The following NTAN1 variants were observed in gnomAD, a reference collection of about 807,000 sequenced individuals.
The protein encoded by NTAN1 is protein N-terminal asparagine amidohydrolase.
NTAN1 carries 32 observed loss-of-function variants against 41.9 expected under a neutral mutation model. That is an observed-to-expected ratio of 0.76 (90% CI 0.58 to 1.03). The LOEUF (loss-of-function observed/expected upper bound fraction) is 1.03, where lower values mean the gene tolerates loss of function less well. Among genes scored for constraint, NTAN1 ranks in the 50% least tolerant of loss-of-function variants. The pLI is 0.00. For synonymous variants in NTAN1, 140 were observed against 139.5 expected (o/e 1.00, Z -0.03); for missense variants, 377 against 377.5 (o/e 1.00, Z 0.01).
At position 15,037,958 on chromosome 16, in the gene NTAN1, G is replaced by C. The variant is rs1135977; in HGVS notation, c.*73C>G. On this transcript the variant is annotated 3_prime_UTR_variant, in exon 10 of 10. Transcript: ENST00000287706. Reference sequence around the variant, plus strand: ...TAAGACCCAACAGATGTAGGATCCAGATCTGGATTCGTGCCAGCCCCACCA... The same window carrying C: ...TAAGACCCAACAGATGTAGGATCCACATCTGGATTCGTGCCAGCCCCACCA... The C allele has an allele frequency of 5.4e-6, 6 of 1,111,426 alleles. No homozygotes were observed. Among genetic ancestry groups the C allele is most frequent in the East Asian group, 4.7e-5 (2 of 42,438 alleles). 68.8% of individuals were successfully genotyped at this position (1,111,426 alleles called of 1,614,324 possible). A position where few individuals can be genotyped will look rare whatever the true frequency, so the allele number is the denominator to read the frequency against.
rs774385722 is a variant in NTAN1 at position 15,047,999 on chromosome 16, T to A, written c.182A>T (p.Asp61Val). Residue 61 changes from aspartate to valine, a missense_variant and splice_region_variant, in exon 2 of 10, where the codon GAT becomes GTT. Asp to Val is a radical substitution (Grantham distance 152, BLOSUM62 -3). Transcript: ENST00000287706. ...QRELAVTSPK[D>V]GSISILGSDD... is the part of the protein sequence containing the mutation. ...CAATTCACTGCTTCCTAACCTACCA[T>A]CCTTTGGGGAGGTCACTGCAAGCTC... is the stretch of plus-strand genomic sequence containing the variant. 8 of 1,609,970 alleles carry A rather than the reference T, an allele frequency of 5.0e-6. No individual in the cohort carries two copies. In the South Asian group the frequency reaches 8.8e-5, roughly 18 times the overall value.
chr16:15,039,320 T>C lies in NTAN1; in HGVS notation c.640-633A>G, dbSNP rs149030807. Among the ~76,000 whole-genome samples, 477 of 152,320 alleles carry C rather than the reference T, an allele frequency of 3.1e-3. 1 individual carries two copies. Among genetic ancestry groups the C allele is most frequent in the African/African-American group, 0.011 (463 of 41,578 alleles). On this transcript the variant is annotated intron_variant, in intron 8 of 9. Coordinates refer to ENST00000287706, the MANE Select transcript of NTAN1 (RefSeq NM_173474.4). Reference sequence around the variant, plus strand: ...AGGGTTGGCTCCGAATCCAAACACATTTCCCAGTGAAAACATCAGCATTTC... The same window carrying C: ...AGGGTTGGCTCCGAATCCAAACACACTTCCCAGTGAAAACATCAGCATTTC...
Position 15,041,727 on chromosome 16 carries a change from A to C in NTAN1, c.434-51T>G, listed in dbSNP as rs371794878. The stretch of plus-strand genomic sequence containing the variant: ...AGTCAGAAAAGTTCCTCTAGTTACC[A>C]GAACAAACTGCTGAGCAAGCCAACG... On this transcript the variant is annotated intron_variant, in intron 5 of 9. Transcript: ENST00000287706. 8.6e-5 allele frequency: 116 copies of C among 1,348,074 alleles called. No homozygotes were observed. In the African/African-American group the frequency reaches 1.3e-3, roughly 15 times the overall value. The allele number at this position is 1,348,074 out of a possible 1,614,324, so 83.5% of individuals were successfully genotyped here. A position where few individuals can be genotyped will look rare whatever the true frequency, so the allele number is the denominator to read the frequency against.
At chr16:15,039,774 G>A (rs1335086244) in intron 8 of NTAN1, among the ~76,000 whole-genome samples, 195 bp downstream of exon 8, 5 of 152,204 alleles carry the variant, frequency 3.3e-5, no homozygotes, top group Non-Finnish European at 5.9e-5. Context: ...AACTGGAGCT[G>A]ATGACCTAAA....
chr16:15,041,627 C>T lies in NTAN1; in HGVS notation c.483G>A (p.Val161=), dbSNP rs1232774063. The change falls in exon 6 of 10, where the codon GTG becomes GTA. Residue 161 remains valine, a synonymous_variant. Coordinates refer to ENST00000287706, the MANE Select transcript of NTAN1 (RefSeq NM_173474.4). The part of the protein sequence containing the change: ...EDDIHLVTLC[V]TELNDREENE... ...GGGGCAAATGGCAGGACTTACCTGT[C>T]ACACATAATGTCACTAAGTGAATGT... 1.9e-6 allele frequency: 3 copies of T among 1,609,300 alleles called. No homozygotes were observed. The Admixed American group carries it at 5.0e-5, about 27-fold the overall frequency.
rs779534447 is a variant in NTAN1 at position 15,039,989 on chromosome 16, G to A, written c.619C>T (p.Arg207Ter). The A allele has an allele frequency of 9.3e-6, 15 of 1,604,648 alleles. No homozygotes were observed. Among genetic ancestry groups the A allele is most frequent in the Admixed American group, 1.7e-5 (1 of 59,622 alleles). Residue 207 changes from arginine to a stop codon, truncating the protein, a stop_gained, in exon 8 of 10, where the codon CGA becomes TGA. Coordinates refer to ENST00000287706, the MANE Select transcript of NTAN1 (RefSeq NM_173474.4). LOFTEE classifies it high-confidence loss of function. Reference sequence around the variant, plus strand: ...CTCACTGGTCCTCCTGCTAAAGTTCGCGCAGCACGAAGCTGCTCCTCCGGA... The same window carrying A: ...CTCACTGGTCCTCCTGCTAAAGTTCACGCAGCACGAAGCTGCTCCTCCGGA... ...RGPEEQLRAA[R>*]TLAGGPMISI...
chr16:15,049,637 A>G (rs1387031068), intron 1 of NTAN1, among the ~76,000 whole-genome samples: 1 of 149,710 alleles, frequency 6.7e-6, no homozygotes, highest in African/African-American at 2.5e-5. Flanking sequence ...TGTTGGCCAC[A>G]CTGGTATCAA....
chr16:15,049,430 TC>T (rs2044211230), intron 1 of NTAN1, among the ~76,000 whole-genome samples: 2 of 139,412 alleles, frequency 1.4e-5, no homozygotes, highest in African/African-American at 5.1e-5. Context: ...ATTTCTTTTA[TC>T]TTATTTTTTT....
At chr16:15,039,787 T>C (rs2043726060) in intron 8 of NTAN1, among the ~76,000 whole-genome samples, 182 bp downstream of exon 8, 1 of 152,172 alleles carries the variant, frequency 6.6e-6, no homozygotes. Flanking sequence ...GACCTAAAGA[T>C]GTTCATTACT....
Position 15,041,103 on chromosome 16 carries a change from T to C in NTAN1, c.506A>G (p.Glu169Gly). ...LCVTELNDRE[E>G]NENHFPVIYG... ...TATTACTGGAAAGTGGTTTTCGTTT[T>C]CTTCCCGGTCATTTAATTCTACAAA... Residue 169 changes from glutamate to glycine, a missense_variant, in exon 7 of 10, where the codon GAA becomes GGA. Physicochemically the swap from Glu to Gly is moderately conservative, Grantham distance 98 (BLOSUM62 -2). Coordinates refer to ENST00000287706, the MANE Select transcript of NTAN1 (RefSeq NM_173474.4). 6.3e-7 allele frequency: 1 copy of C among 1,582,762 alleles called. No individual in the cohort carries two copies. The highest frequency in any genetic ancestry group is 8.7e-7 in the Non-Finnish European group (1 of 1,151,324).
chr16:15,038,513 C>A, intron 9 of NTAN1, 61 bp downstream of exon 9: 1 of 977,428 alleles, frequency 1.0e-6, no homozygotes, highest in Non-Finnish European at 1.6e-6. Flanking sequence ...CCCTTTTTTT[C>A]TTACAGATGG....
chr16:15,055,179 C>T (rs1027254535), intron 1 of NTAN1, among the ~76,000 whole-genome samples: 2 of 152,150 alleles, frequency 1.3e-5, no homozygotes, highest in Admixed American at 1.3e-4. Context: ...CCCGCCGCCA[C>T]GCCCCGCTCT....
intron 8 of NTAN1, among the ~76,000 whole-genome samples, chr16:15,038,945 A>AACTT (rs1276445860): frequency 3.9e-5 from 6 of 152,160 alleles, no homozygotes; most frequent in Non-Finnish European, 8.8e-5. Flanking sequence ...TTGGGGTGAA[A>AACTT]ACTTGAGGCT....
chr16:15,042,871 T>A (rs1365808537), intron 5 of NTAN1, among the ~76,000 whole-genome samples: 1 of 151,622 alleles, frequency 6.6e-6, no homozygotes, highest in Admixed American at 6.6e-5. Context: ...TAGCTGGGAT[T>A]ACAGGCGTGC....
rs762617452 is a variant in NTAN1 at position 15,044,335 on chromosome 16, A to G, written c.432T>C (p.Leu144=). The G allele has an allele frequency of 1.1e-5, 18 of 1,604,084 alleles. No homozygotes were observed. The South Asian group carries it at 1.8e-4, about 16-fold the overall frequency. The change falls in exon 5 of 10, where the codon CTT becomes CTC. Residue 144 remains leucine, a splice_region_variant and synonymous_variant. Transcript: ENST00000287706. ...GAAAGAAAAAAAAAATGAACTTACT[A>G]AGAAGTTGATGAGTGAGTTTTTGTG... is the stretch of plus-strand genomic sequence containing the variant. ...QLSQKLTHQL[L]SEFDRQEDDI...
Position 15,048,071 on chromosome 16 carries a change from G to T in NTAN1, c.110C>A (p.Ser37Tyr). 6.2e-7 allele frequency: 1 copy of T among 1,611,810 alleles called. No individual in the cohort carries two copies. Among genetic ancestry groups the T allele is most frequent in the Non-Finnish European group, 8.5e-7 (1 of 1,178,020 alleles). The change falls in exon 2 of 10, where the codon TCT (serine) becomes TAT (tyrosine). Residue 37 changes from serine (S) to tyrosine (Y), a missense_variant. Ser to Tyr is a moderately radical substitution (Grantham distance 144, BLOSUM62 -2). Coordinates refer to ENST00000287706, the MANE Select transcript of NTAN1 (RefSeq NM_173474.4). ...GCCCTGGGGTCCCACTTGTTGAACA[G>T]ACTGACCTCTGAGAAGTCTGGCTCT... The part of the protein sequence containing the change: ...EERARLLRGQ[S>Y]VQQVGPQGLL...
In NTAN1 at chr16:15,041,641, C is replaced by T. The variant is rs1215470885; in HGVS notation, c.469G>A (p.Val157Met). 7 of 1,611,734 alleles carry T rather than the reference C, an allele frequency of 4.3e-6. No individual in the cohort carries two copies. Among genetic ancestry groups the T allele is most frequent in the African/African-American group, 1.3e-5 (1 of 74,900 alleles). ...FDRQEDDIHLVTLCVTELNDR... is the reference protein window; with the variant it reads ...FDRQEDDIHLMTLCVTELNDR... ...GACTTACCTGTCACACATAATGTCA[C>T]TAAGTGAATGTCATCTTCTTGCCTG... Residue 157 changes from valine to methionine, a missense_variant, in exon 6 of 10, where the codon GTG becomes ATG. Val to Met is a conservative substitution (Grantham distance 21). Coordinates refer to ENST00000287706, the MANE Select transcript of NTAN1 (RefSeq NM_173474.4).
rs1391521775 is a variant in NTAN1, at chr16:15,048,010, G to A, written c.171C>T (p.Thr57=). 1.9e-6 allele frequency: 3 copies of A among 1,611,614 alleles called. No homozygotes were observed. Among genetic ancestry groups the A allele is most frequent in the Non-Finnish European group, 8.5e-7 (1 of 1,177,750 alleles). The part of the protein sequence containing the change: ...LYVQQRELAV[T]SPKDGSISIL... ...TTCCTAACCTACCATCCTTTGGGGA[G>A]GTCACTGCAAGCTCTCTTTGCTGAA... Residue 57 remains threonine, a synonymous_variant, in exon 2 of 10, where the codon ACC becomes ACT. Transcript: ENST00000287706.
chr16:15,039,631 CCT>C (rs1394170493), intron 8 of NTAN1, among the ~76,000 whole-genome samples: 10 of 152,148 alleles, frequency 6.6e-5, no homozygotes, highest in African/African-American at 2.4e-4. Context: ...AGGGGAGAAA[CCT>C]CTCTCCTGCG....
Sources: allele counts gnomAD v4.1 joint callset (sites outside exome capture counted in the v4.1 genomes callset), GRCh38; gene constraint gnomAD v4.1.1; transcripts MANE v1.5; gene names NCBI Gene and HGNC (gene_info 2026-07-23, HGNC 2026-07-21).